Variants in SPIDR observed in about 807,000 individuals in gnomAD.
SPIDR encodes the protein DNA repair-scaffolding protein.
A neutral mutation model predicts 104.6 loss-of-function variants in SPIDR; 93 were observed. The ratio of observed to expected loss-of-function variants is 0.89; its 90% CI spans 0.75 to 1.06. The LOEUF is 1.06. SPIDR is among the 50% of genes least tolerant of loss of function. The pLI is 0.00. For synonymous variants in SPIDR, 431 were observed against 416.9 expected (o/e 1.03, Z -0.41); for missense variants, 1,154 against 1,111.2 (o/e 1.04, Z -0.55).
intron 7 of SPIDR, among the ~76,000 whole-genome samples, chr8:47,411,854 G>A (rs1310797845): frequency 6.6e-6 from 1 of 152,152 alleles, no homozygotes; most frequent in Non-Finnish European, 1.5e-5. Flanking sequence ...AAGGGATCCA[G>A]TTTCAGCTTT....
At chr8:47,675,799 C>T (rs1275097182) in intron 11 of SPIDR, among the ~76,000 whole-genome samples, 1 of 152,160 alleles carries the variant, frequency 6.6e-6, no homozygotes, top group East Asian at 1.9e-4. Flanking sequence ...GGTGACAGAG[C>T]GACACTCTAT....
At chr8:47,265,343 T>G (rs2033715916) in intron 1 of SPIDR, among the ~76,000 whole-genome samples, 1 of 151,936 alleles carries the variant, frequency 6.6e-6, no homozygotes, top group African/African-American at 2.4e-5. Context: ...GCCATGCCAC[T>G]GTGCCTGGCT....
intron 1 of SPIDR, among the ~76,000 whole-genome samples, chr8:47,261,328 TGTAC>T (rs1235727532): frequency 6.6e-6 from 1 of 152,214 alleles, no homozygotes; most frequent in African/African-American, 2.4e-5. Context: ...TCTGGTGTAA[TGTAC>T]CAAACCGCAG....
chr8:47,602,981 C>T (rs1289628535), intron 10 of SPIDR, among the ~76,000 whole-genome samples: 4 of 152,126 alleles, frequency 2.6e-5, no homozygotes, highest in African/African-American at 7.2e-5. Flanking sequence ...GAGTAACCAA[C>T]GCAAACTTAA....
intron 10 of SPIDR, among the ~76,000 whole-genome samples, chr8:47,642,834 A>G (rs1191060992): frequency 6.6e-6 from 1 of 152,196 alleles, no homozygotes. Flanking sequence ...GTTTGAGGCC[A>G]GGAGCTCAAG....
intron 11 of SPIDR, among the ~76,000 whole-genome samples, chr8:47,677,352 T>TC (rs2076572898): frequency 6.6e-6 from 1 of 152,340 alleles, no homozygotes; most frequent in South Asian, 2.1e-4. Context: ...GAAAAGAAAT[T>TC]CCCTGAAATA....
intron 5 of SPIDR, among the ~76,000 whole-genome samples, chr8:47,312,347 G>A (rs587704767): frequency 2.0e-5 from 3 of 152,298 alleles, no homozygotes; most frequent in African/African-American, 2.4e-5. Flanking sequence ...CAGTGTAAAA[G>A]TGTTCCTGTT....
chr8:47,524,506 C>A (rs1301477446), intron 8 of SPIDR, among the ~76,000 whole-genome samples: 3 of 152,152 alleles, frequency 2.0e-5, no homozygotes, highest in African/African-American at 7.2e-5. Flanking sequence ...CTCCTGACCA[C>A]CCCCGAGGAA....
chr8:47,521,825 T>G (rs1023608410), intron 8 of SPIDR, among the ~76,000 whole-genome samples: 17 of 152,020 alleles, frequency 1.1e-4, no homozygotes, highest in African/African-American at 3.9e-4. Flanking sequence ...TCAACAAGAT[T>G]GGGGAGTGTT....
intron 5 of SPIDR, among the ~76,000 whole-genome samples, chr8:47,295,813 G>A (rs1014314291): frequency 2.0e-5 from 3 of 152,076 alleles, no homozygotes; most frequent in African/African-American, 7.2e-5. Flanking sequence ...CCAGAAGTGG[G>A]ATTACTAGAT....
chr8:47,291,436 G>A (rs2154238040), intron 4 of SPIDR, among the ~76,000 whole-genome samples: 1 of 152,282 alleles, frequency 6.6e-6, no homozygotes, highest in South Asian at 2.1e-4. Context: ...CTGGAAAACA[G>A]TCTGGCGGTT....
At chr8:47,291,464 G>T (rs1047774593) in intron 4 of SPIDR, among the ~76,000 whole-genome samples, 1 of 152,122 alleles carries the variant, frequency 6.6e-6, no homozygotes, top group Non-Finnish European at 1.5e-5. Flanking sequence ...GACTAAACAT[G>T]CAATTACCAT....
chr8:47,569,833 T>G (rs956968358), intron 8 of SPIDR, among the ~76,000 whole-genome samples: 3 of 152,172 alleles, frequency 2.0e-5, no homozygotes, highest in Admixed American at 2.0e-4. Flanking sequence ...CAGCTGTATT[T>G]CTGTACAATG....
intron 5 of SPIDR, among the ~76,000 whole-genome samples, chr8:47,296,476 T>G (rs1183494171): frequency 1.3e-5 from 2 of 152,198 alleles, no homozygotes; most frequent in African/African-American, 2.4e-5. Flanking sequence ...TTCTTTCTTT[T>G]GCATGTGGTT....
intron 10 of SPIDR, among the ~76,000 whole-genome samples, chr8:47,667,243 T>C (rs1486117656): frequency 6.6e-6 from 1 of 151,934 alleles, no homozygotes; most frequent in Non-Finnish European, 1.5e-5. Flanking sequence ...ATCATGCCAT[T>C]GCACTCCAGC....
intron 1 of SPIDR, among the ~76,000 whole-genome samples, chr8:47,268,324 A>G (rs951706386): frequency 4.6e-5 from 7 of 152,134 alleles, no homozygotes; most frequent in Admixed American, 1.3e-4. Context: ...TGGGTTCATT[A>G]CATTTCCATA....
rs573807151 is a variant in SPIDR at position 47,563,487 on chromosome 8, C to T, written c.1098-32324C>T. The stretch of plus-strand genomic sequence containing the variant: ...TCGCACCTGGCCCCACATGGGCCCT[C>T]TTGAAACCCAAATCTGTGGGATTCC... On this transcript the variant is annotated intron_variant, in intron 8 of 19. Transcript: ENST00000297423. 1.4e-4 allele frequency among the ~76,000 whole-genome samples: 22 copies of T among 152,274 alleles called. No individual in the cohort carries two copies. In the East Asian group the frequency reaches 2.3e-3, roughly 16 times the overall value.
intron 5 of SPIDR, among the ~76,000 whole-genome samples, chr8:47,295,827 A>G (rs979023155): frequency 1.3e-5 from 2 of 152,142 alleles, no homozygotes; most frequent in East Asian, 3.8e-4. Context: ...ACTAGATTAT[A>G]TGGTAGTTCT....
chr8:47,538,748 T>TA (rs1349642459), intron 8 of SPIDR, among the ~76,000 whole-genome samples: 1 of 152,112 alleles, frequency 6.6e-6, no homozygotes, highest in Non-Finnish European at 1.5e-5. Flanking sequence ...GAAATTTATA[T>TA]AAATTGAATC....
Sources: gnomAD v4.1 joint callset for allele counts (sites outside exome capture counted in the v4.1 genomes callset) on GRCh38, gnomAD v4.1.1 for gene constraint, MANE v1.5 for transcripts, NCBI Gene and HGNC (gene_info 2026-07-23, HGNC 2026-07-21) for gene names.